The following CHEK2 variants were observed in gnomAD, a reference collection of about 807,000 sequenced individuals.
The protein encoded by CHEK2 is checkpoint kinase 2, also known as serine/threonine-protein kinase Chk2.
CHEK2 carries 71 observed loss-of-function variants against 69.1 expected under a neutral mutation model. The ratio of observed to expected loss-of-function variants is 1.03; its 90% CI spans 0.85 to 1.25. The LOEUF (loss-of-function observed/expected upper bound fraction) is 1.25. CHEK2 is among the 50% of genes most tolerant of loss of function. CHEK2 has a pLI of 0.00. For synonymous variants in CHEK2, 189 were observed against 226.9 expected (o/e 0.83, Z 1.50); for missense variants, 664 against 649.6 (o/e 1.02, Z -0.24).
Position 28,722,479 on chromosome 22 carries a change from G to A in CHEK2, c.592+2498C>T, listed in dbSNP as rs372285531. On this transcript the variant is annotated intron_variant, in intron 4 of 14. Coordinates refer to ENST00000404276, the MANE Select transcript of CHEK2 (RefSeq NM_007194.4). ...GGCGTGAACCCAGGAGGCGGAGCTT[G>A]CAGTGGGCCGAGATCATGCCACTGC... Among the ~76,000 whole-genome samples the A allele has an allele frequency of 5.5e-5, 8 of 145,988 alleles. No homozygotes were observed. The East Asian group carries it at 1.0e-3, about 19-fold the overall frequency.
intron 4 of CHEK2, chr22:28,724,468 T>G (rs950069104): frequency 4.6e-6 from 1 of 216,760 alleles, no homozygotes; most frequent in Non-Finnish European, 9.5e-6. Context: ...TAAAACCAAT[T>G]AAACCTTAAA....
chr22:28,706,343 A>G (rs866868856), intron 7 of CHEK2, among the ~76,000 whole-genome samples: 84 of 152,148 alleles, frequency 5.5e-4, no homozygotes, highest in African/African-American at 1.9e-3. Flanking sequence ...GGGACAGTAC[A>G]CACAGCATTC....
At chr22:28,736,670 T>C (rs1004118070) in intron 1 of CHEK2, among the ~76,000 whole-genome samples, 1 of 152,182 alleles carries the variant, frequency 6.6e-6, no homozygotes, top group South Asian at 2.1e-4. Flanking sequence ...CTGGGTGCAG[T>C]GGCTCATACC....
At position 28,725,339 on chromosome 22, in the gene CHEK2, C is replaced by T. The variant is rs1394601881; in HGVS notation, c.348G>A (p.Gly116=). The T allele has an allele frequency of 1.9e-6, 3 of 1,613,970 alleles. No homozygotes were observed. Among genetic ancestry groups the T allele is most frequent in the African/African-American group, 1.3e-5 (1 of 74,926 alleles). The change falls in exon 3 of 15, where the codon GGG becomes GGA. Residue 116 remains glycine, a synonymous_variant. Coordinates refer to ENST00000404276, the MANE Select transcript of CHEK2 (RefSeq NM_007194.4). ...AGCAATATTCACAGCTTTTGTCCCT[C>T]CCAAACCAGTAGTTGTCATTCACAC... ...LECVNDNYWF[G]RDKSCEYCFD... is the part of the protein sequence containing the mutation.
At chr22:28,706,046 C>A (rs371195489) in intron 7 of CHEK2, among the ~76,000 whole-genome samples, 2 of 152,094 alleles carry the variant, frequency 1.3e-5, no homozygotes, top group South Asian at 4.1e-4. Flanking sequence ...GTAATCCCAG[C>A]CCTTTGGGAG....
intron 5 of CHEK2, among the ~76,000 whole-genome samples, chr22:28,714,002 G>A (rs1037046319): frequency 6.6e-6 from 1 of 152,144 alleles, no homozygotes; most frequent in Non-Finnish European, 1.5e-5. Context: ...TTTTTAAATT[G>A]GGGAATTTAT....
At chr22:28,740,861 A>G (rs1168714288) in intron 1 of CHEK2, among the ~76,000 whole-genome samples, 1 of 152,170 alleles carries the variant, frequency 6.6e-6, no homozygotes, top group African/African-American at 2.4e-5. Context: ...GATTCCTCAA[A>G]AAATTGAAAA....
intron 5 of CHEK2, among the ~76,000 whole-genome samples, chr22:28,718,157 C>T (rs760511843): frequency 6.6e-6 from 1 of 152,130 alleles, no homozygotes; most frequent in Admixed American, 6.6e-5. Flanking sequence ...CAAAAATGCA[C>T]CTATCATGAT....
Position 28,723,599 on chromosome 22 carries a change from A to AG in CHEK2, c.592+1377dup, listed in dbSNP as rs1313644849. Among the ~76,000 whole-genome samples, 10 of 120,192 alleles carry AG rather than the reference A, an allele frequency of 8.3e-5. No homozygotes were observed. In the East Asian group the frequency reaches 1.9e-3, roughly 23 times the overall value. 78.9% of individuals were successfully genotyped at this position (120,192 alleles called of 152,430 possible). A position where few individuals can be genotyped will look rare whatever the true frequency, so the allele number is the denominator to read the frequency against. ...GGCGACAGAGCAAGGCTCCGTCACA[A>AG]GGAAAAAAAAAGAAAAAAAAAAAAA... is the stretch of plus-strand genomic sequence containing the variant. On this transcript the variant is annotated intron_variant, in intron 4 of 14. Transcript: ENST00000404276.
chr22:28,706,316 AC>A (rs1311205026), intron 7 of CHEK2, among the ~76,000 whole-genome samples: 7 of 151,978 alleles, frequency 4.6e-5, no homozygotes, highest in African/African-American at 1.5e-4. Flanking sequence ...ACACACACAC[AC>A]ACACACACAC....
At position 28,741,809 on chromosome 22, in the gene CHEK2, A is replaced by G; in HGVS notation, c.-47T>C. 1 of 525,232 alleles carries G rather than the reference A, an allele frequency of 1.9e-6. No individual in the cohort carries two copies. Among genetic ancestry groups the G allele is most frequent in the East Asian group, 3.4e-5 (1 of 29,796 alleles). 32.5% of individuals were successfully genotyped at this position (525,232 alleles called of 1,614,324 possible). On this transcript the variant is annotated 5_prime_UTR_variant, in exon 1 of 15. Coordinates refer to ENST00000404276, the MANE Select transcript of CHEK2 (RefSeq NM_007194.4). The stretch of plus-strand genomic sequence containing the variant: ...GGAGCCGCACACTCTCCGCAGCCTC[A>G]GCCAGCAGAGTGGCGCTAAACCTGC...
intron 1 of CHEK2, among the ~76,000 whole-genome samples, chr22:28,741,205 T>C (rs1420666955): frequency 6.7e-6 from 1 of 149,944 alleles, no homozygotes; most frequent in Non-Finnish European, 1.5e-5. Flanking sequence ...GTATACTTTA[T>C]ATCAAAAATA....
At chr22:28,735,234 G>T (rs913907898) in intron 1 of CHEK2, among the ~76,000 whole-genome samples, 11 of 151,842 alleles carry the variant, frequency 7.2e-5, no homozygotes, top group African/African-American at 1.5e-4. Flanking sequence ...GTGAAACTCC[G>T]TCTCTACTAA....
intron 8 of CHEK2, among the ~76,000 whole-genome samples, chr22:28,702,300 G>A (rs1369774881): frequency 5.4e-5 from 8 of 148,956 alleles, no homozygotes; most frequent in African/African-American, 9.9e-5. Flanking sequence ...ATGCAGTGGC[G>A]CGATCTCAGC....
chr22:28,707,153 G>A (rs1268302341), intron 7 of CHEK2, among the ~76,000 whole-genome samples: 1 of 151,992 alleles, frequency 6.6e-6, no homozygotes, highest in African/African-American at 2.4e-5. Context: ...TCACTGCCTG[G>A]GGCTGTCACA....
intron 5 of CHEK2, among the ~76,000 whole-genome samples, chr22:28,718,574 T>C (rs986849119): frequency 3.3e-5 from 5 of 152,194 alleles, no homozygotes; most frequent in African/African-American, 1.2e-4. Flanking sequence ...GTGGTGTATA[T>C]ATACACAATG....
intron 4 of CHEK2, among the ~76,000 whole-genome samples, chr22:28,722,417 A>G (rs1204278593): frequency 6.6e-6 from 1 of 151,546 alleles, no homozygotes; most frequent in Non-Finnish European, 1.5e-5. Context: ...GCGGGCGCCT[A>G]TAGTCCCAAC....
At chr22:28,722,066 T>C (rs957714050) in intron 4 of CHEK2, among the ~76,000 whole-genome samples, 4 of 152,048 alleles carry the variant, frequency 2.6e-5, no homozygotes, top group African/African-American at 9.7e-5. Flanking sequence ...AATTTTTTAA[T>C]GTTTATTTAA....
chr22:28,720,462 T>C (rs2053736538), intron 4 of CHEK2, among the ~76,000 whole-genome samples: 2 of 152,218 alleles, frequency 1.3e-5, no homozygotes, highest in African/African-American at 4.8e-5. Flanking sequence ...TTTAATAATT[T>C]AACCACCCAC....
Sources: gnomAD v4.1 joint callset for allele counts (sites outside exome capture counted in the v4.1 genomes callset) on GRCh38, gnomAD v4.1.1 for gene constraint, MANE v1.5 for transcripts, NCBI Gene and HGNC (gene_info 2026-07-23, HGNC 2026-07-21) for gene names.